PDE1C: variants seen among roughly 807,000 people sequenced by gnomAD.
The protein encoded by PDE1C is dual specificity calcium/calmodulin-dependent 3',5'-cyclic nucleotide phosphodiesterase 1C.
PDE1C carries 62 observed loss-of-function variants against 93.1 expected under a neutral mutation model. That is an observed-to-expected ratio of 0.67 (90% CI 0.54 to 0.82). The LOEUF (loss-of-function observed/expected upper bound fraction) is 0.82. Ranked by LOEUF, PDE1C falls within the 40% of genes least tolerant of loss-of-function variation. The pLI, the probability that PDE1C is intolerant of heterozygous loss-of-function variation, is 0.00. For synonymous variants in PDE1C, 325 were observed against 310.1 expected, an observed-to-expected ratio of 1.05 and a Z score of -0.50; for missense variants, 742 against 884.6, an observed-to-expected ratio of 0.84 and a Z score of 2.04.
chr7:31,835,021 A>T (rs1790883490), intron 11 of PDE1C, among the ~76,000 whole-genome samples: 1 of 151,848 alleles, frequency 6.6e-6, no homozygotes, highest in South Asian at 2.1e-4. Context: ...GTCTCATGAG[A>T]TCTGATGGTT....
At chr7:32,242,941 A>C (rs1277198430) in intron 1 of PDE1C, among the ~76,000 whole-genome samples, 1 of 152,168 alleles carries the variant, frequency 6.6e-6, no homozygotes, top group African/African-American at 2.4e-5. Flanking sequence ...GAATAAGGAA[A>C]AGAGAGAGAT....
chr7:31,843,936 T>C (rs1033736488), intron 9 of PDE1C, among the ~76,000 whole-genome samples: 1 of 151,798 alleles, frequency 6.6e-6, no homozygotes, highest in Non-Finnish European at 1.5e-5. Context: ...ACAACATACA[T>C]CTTTAATTTT....
chr7:31,925,925 T>C (rs569275336), intron 2 of PDE1C, among the ~76,000 whole-genome samples: 2 of 152,294 alleles, frequency 1.3e-5, no homozygotes, highest in South Asian at 2.1e-4. Flanking sequence ...CCGATTTCCA[T>C]GTATGCATAT....
At chr7:31,847,695 C>A (rs1454349556) in intron 9 of PDE1C, among the ~76,000 whole-genome samples, 1 of 152,002 alleles carries the variant, frequency 6.6e-6, no homozygotes, top group East Asian at 1.9e-4. Flanking sequence ...CAATAAAAAG[C>A]AATGTAAAGA....
chr7:31,695,126 G>A, the PDE1C span, among the ~76,000 whole-genome samples: 7 of 143,290 alleles, frequency 4.9e-5, no homozygotes, highest in Non-Finnish European at 9.0e-5. Context: ...GAATGGAGGC[G>A]CGTTTAGCAG....
At chr7:32,175,078 C>G (rs1409859495) in intron 2 of PDE1C, among the ~76,000 whole-genome samples, 1 of 152,104 alleles carries the variant, frequency 6.6e-6, no homozygotes, top group Non-Finnish European at 1.5e-5. Flanking sequence ...CTCCAAAGTA[C>G]CAGCCCCCAC....
intron 2 of PDE1C, among the ~76,000 whole-genome samples, chr7:32,180,864 G>A (rs1803352409): frequency 6.6e-6 from 1 of 152,148 alleles, no homozygotes. Context: ...AAGTTACATG[G>A]GAGAGAGGAT....
chr7:32,036,362 C>G (rs1791084706), intron 2 of PDE1C, among the ~76,000 whole-genome samples: 2 of 152,094 alleles, frequency 1.3e-5, no homozygotes, highest in Admixed American at 1.3e-4. Flanking sequence ...CTTAAATGCT[C>G]ATATTAGAAA....
chr7:31,695,883 CAA>C, the PDE1C span: 3 of 281,924 alleles, frequency 1.1e-5, no homozygotes, highest in Admixed American at 5.2e-5. Flanking sequence ...AGCTCTGCTT[CAA>C]AGAGTCATTC....
chr7:31,642,519 C>T, the PDE1C span, among the ~76,000 whole-genome samples: 5 of 152,162 alleles, frequency 3.3e-5, no homozygotes, highest in Non-Finnish European at 7.4e-5. Flanking sequence ...GCTGAGCCTC[C>T]TAGAGAGGAG....
chr7:31,828,152 A>C (rs908040911), intron 12 of PDE1C, 140 bp downstream of exon 12: 43 of 563,278 alleles, frequency 7.6e-5, no homozygotes, highest in Non-Finnish European at 3.2e-5. Flanking sequence ...TGGTTCCATA[A>C]ATTGAATCAG....
chr7:32,392,385 T>C (rs1784766224), intron 1 of PDE1C, among the ~76,000 whole-genome samples: 1 of 152,200 alleles, frequency 6.6e-6, no homozygotes, highest in Non-Finnish European at 1.5e-5. Context: ...ATACCAATTC[T>C]TCACATAATT....
intron 2 of PDE1C, among the ~76,000 whole-genome samples, chr7:31,898,972 T>C (rs1799639418): frequency 6.6e-6 from 1 of 152,050 alleles, no homozygotes; most frequent in Non-Finnish European, 1.5e-5. Flanking sequence ...CTGGAAGAAG[T>C]TATTTATATT....
intron 14 of PDE1C, among the ~76,000 whole-genome samples, chr7:31,822,365 C>T (rs1789079530): frequency 1.3e-5 from 2 of 152,202 alleles, no homozygotes; most frequent in South Asian, 4.1e-4. Flanking sequence ...ACAAGGGCAT[C>T]TCTCCCTAGT....
At chr7:32,307,817 G>C (rs1813051009) in intron 1 of PDE1C, among the ~76,000 whole-genome samples, 1 of 152,216 alleles carries the variant, frequency 6.6e-6, no homozygotes, top group Non-Finnish European at 1.5e-5. Flanking sequence ...ACAGAAGACG[G>C]GTGATTTCTG....
intron 1 of PDE1C, among the ~76,000 whole-genome samples, chr7:32,304,558 T>C: frequency 6.6e-6 from 1 of 152,180 alleles, no homozygotes; most frequent in Middle Eastern, 3.4e-3. Context: ...CTTTTAAAAT[T>C]AATAAAATGA....
chr7:32,338,201 C>G (rs910967122), intron 1 of PDE1C, among the ~76,000 whole-genome samples: 1 of 152,118 alleles, frequency 6.6e-6, no homozygotes, highest in East Asian at 1.9e-4. Flanking sequence ...CAGGAGAAAG[C>G]ATTTGCAAAT....
At chr7:32,287,185 C>A (rs1413214380) in intron 1 of PDE1C, among the ~76,000 whole-genome samples, 1 of 152,220 alleles carries the variant, frequency 6.6e-6, no homozygotes, top group Non-Finnish European at 1.5e-5. Context: ...CTTGTCCCCT[C>A]TCCCTAAAAT....
rs1318383583 is a variant in PDE1C at position 32,137,831 on chromosome 7, T to A, written c.308+31954A>T. ...TTCCCTCCAATTCTCTTTGACATCATCCCAGTGTGTACAAGGAAATGGTTA... is the reference window on the plus strand; with the variant it reads ...TTCCCTCCAATTCTCTTTGACATCAACCCAGTGTGTACAAGGAAATGGTTA... On this transcript the variant is annotated intron_variant, in intron 3 of 18. Coordinates refer to the PDE1C transcript ENST00000396193. 1.3e-5 allele frequency among the ~76,000 whole-genome samples: 2 copies of A among 152,158 alleles called. 1 individual carries two copies. Among genetic ancestry groups the A allele is most frequent in the East Asian group, 3.9e-4 (2 of 5,194 alleles).
Sources: allele counts gnomAD v4.1 joint callset (sites outside exome capture counted in the v4.1 genomes callset), GRCh38; gene constraint gnomAD v4.1.1; transcripts MANE v1.5; gene names NCBI Gene and HGNC (gene_info 2026-07-23, HGNC 2026-07-21).